The following RALGAPA1 variants were observed in gnomAD, a reference collection of about 807,000 sequenced individuals.
The protein encoded by RALGAPA1 is Ral GTPase activating protein catalytic subunit alpha 1.
A neutral mutation model predicts 269.6 loss-of-function variants in RALGAPA1; 52 were observed. The observed-to-expected ratio is 0.19, with a 90% CI of 0.15 to 0.24. RALGAPA1 has a LOEUF of 0.24. RALGAPA1 is among the 10% of genes least tolerant of loss of function. The pLI, the probability that RALGAPA1 is intolerant of heterozygous loss-of-function variation, is 1.00. For synonymous variants in RALGAPA1, 817 were observed against 1,008.3 expected (o/e 0.81, Z 3.60); for missense variants, 1,917 against 3,013.9 (o/e 0.64, Z 8.52).
At chr14:35,634,486 T>C in intron 33 of RALGAPA1, 88 bp downstream of exon 33, 1 of 1,038,452 alleles carries the variant, frequency 9.6e-7, no homozygotes, top group South Asian at 2.3e-5. Context: ...AGACATACTC[T>C]CCTTCTCCAA....
intron 10 of RALGAPA1, among the ~76,000 whole-genome samples, chr14:35,746,105 C>T (rs911957699): frequency 6.6e-6 from 1 of 152,060 alleles, no homozygotes; most frequent in Admixed American, 6.6e-5. Flanking sequence ...CCCACATTTG[C>T]AACAACATGG....
rs78933793 is a variant in RALGAPA1 at position 35,635,461 on chromosome 14, T to C, written c.5811+3A>G. The C allele has an allele frequency of 9.6e-4, 1,526 of 1,587,650 alleles. 13 individuals carry two copies. In the African/African-American group the frequency reaches 0.019, roughly 19 times the overall value. Reference sequence around the variant, plus strand: ...AAATAAATAATAAAGCAAGGAAGTTTACCTTATAAATGCAATTGAGAACAG... The same window carrying C: ...AAATAAATAATAAAGCAAGGAAGTTCACCTTATAAATGCAATTGAGAACAG... On this transcript the variant is annotated splice_donor_region_variant and intron_variant, in intron 32 of 41. Transcript: ENST00000680220.
At chr14:35,566,019 C>G (rs953740233) in intron 39 of RALGAPA1, among the ~76,000 whole-genome samples, 1 of 151,952 alleles carries the variant, frequency 6.6e-6, no homozygotes, top group Non-Finnish European at 1.5e-5. Flanking sequence ...GCTGAAATAC[C>G]TCTCTGGTCC....
chr14:35,684,724 C>T (rs8008061), intron 20 of RALGAPA1, among the ~76,000 whole-genome samples: 1 of 151,788 alleles, frequency 6.6e-6, no homozygotes, highest in Non-Finnish European at 1.5e-5. Context: ...GGAAGGCTGA[C>T]GCAGGAGGAC....
intron 39 of RALGAPA1, among the ~76,000 whole-genome samples, chr14:35,553,038 G>C (rs1280105123): frequency 6.6e-6 from 1 of 152,136 alleles, no homozygotes; most frequent in African/African-American, 2.4e-5. Flanking sequence ...TAATTTATCT[G>C]TATGTTAAAT....
intron 35 of RALGAPA1, among the ~76,000 whole-genome samples, chr14:35,620,685 T>C (rs527314312): frequency 7.9e-5 from 12 of 152,300 alleles, no homozygotes; most frequent in African/African-American, 2.6e-4. Flanking sequence ...AAAATCAATG[T>C]GCAAAAATCA....
intron 17 of RALGAPA1, among the ~76,000 whole-genome samples, chr14:35,697,324 AAC>A (rs763245103): frequency 1.3e-5 from 2 of 151,688 alleles, no homozygotes; most frequent in East Asian, 1.9e-4. Flanking sequence ...TTCAATTATA[AAC>A]AGTGTTTTTT....
intron 38 of RALGAPA1, among the ~76,000 whole-genome samples, chr14:35,571,637 G>A (rs1026188869): frequency 3.9e-5 from 6 of 152,084 alleles, no homozygotes; most frequent in Non-Finnish European, 7.4e-5. Context: ...TTGCGCCACC[G>A]CACTCCAGCC....
At chr14:35,552,165 C>G (rs952996277) in intron 39 of RALGAPA1, among the ~76,000 whole-genome samples, 1 of 151,112 alleles carries the variant, frequency 6.6e-6, no homozygotes, top group Non-Finnish European at 1.5e-5. Context: ...GGACTTACAT[C>G]CCCCCCCGGC....
intron 37 of RALGAPA1, among the ~76,000 whole-genome samples, chr14:35,594,380 G>A (rs1300388919): frequency 6.6e-6 from 1 of 152,120 alleles, no homozygotes; most frequent in African/African-American, 2.4e-5. Flanking sequence ...TCTATTAAGG[G>A]ATTAATATCT....
At chr14:35,605,151 C>A (rs1244729948) in intron 36 of RALGAPA1, among the ~76,000 whole-genome samples, 1 of 152,070 alleles carries the variant, frequency 6.6e-6, no homozygotes, top group Non-Finnish European at 1.5e-5. Context: ...TTTTCTTTTA[C>A]AAAGTAAATG....
intron 37 of RALGAPA1, among the ~76,000 whole-genome samples, chr14:35,588,176 G>A (rs958871675): frequency 6.6e-6 from 1 of 152,166 alleles, no homozygotes; most frequent in Non-Finnish European, 1.5e-5. Context: ...CGTTCCGCCC[G>A]CCTCAGCCTC....
chr14:35,541,879 G>C, intron 41 of RALGAPA1: 1 of 475,076 alleles, frequency 2.1e-6, no homozygotes, highest in East Asian at 6.9e-5. Context: ...ACAGATATGA[G>C]AGACACAGTG....
At chr14:35,562,721 C>T (rs1011862457) in intron 39 of RALGAPA1, among the ~76,000 whole-genome samples, 1 of 151,936 alleles carries the variant, frequency 6.6e-6, no homozygotes, top group African/African-American at 2.4e-5. Flanking sequence ...GGGGCTTTTC[C>T]ATTCTTAAAA....
intron 16 of RALGAPA1, among the ~76,000 whole-genome samples, chr14:35,703,376 G>T (rs1161046464): frequency 6.6e-6 from 1 of 152,104 alleles, no homozygotes; most frequent in Non-Finnish European, 1.5e-5. Flanking sequence ...TACTCCGATG[G>T]CTGGAGGTGA....
chr14:35,649,128 G>C (rs2062651446), intron 31 of RALGAPA1, among the ~76,000 whole-genome samples: 1 of 152,124 alleles, frequency 6.6e-6, no homozygotes, highest in South Asian at 2.1e-4. Context: ...CCTTGCTGGT[G>C]GTCTCCACCT....
intron 16 of RALGAPA1, chr14:35,707,259 T>A (rs2067890776): frequency 1.3e-5 from 2 of 152,210 alleles, no homozygotes; most frequent in Non-Finnish European, 2.9e-5. Flanking sequence ...ATTTTCCACA[T>A]AAATAATCAT....
At chr14:35,621,470 A>G (rs2060622443) in intron 35 of RALGAPA1, among the ~76,000 whole-genome samples, 1 of 152,218 alleles carries the variant, frequency 6.6e-6, no homozygotes, top group African/African-American at 2.4e-5. Flanking sequence ...CTTCATGACT[A>G]AAACACCAAA....
chr14:35,598,606 G>C (rs1386469499), intron 36 of RALGAPA1, among the ~76,000 whole-genome samples: 4 of 152,030 alleles, frequency 2.6e-5, no homozygotes, highest in African/African-American at 9.7e-5. Flanking sequence ...TTTTAGTAGA[G>C]AGGGGGTTTC....
Sources: gnomAD v4.1 joint callset for allele counts (sites outside exome capture counted in the v4.1 genomes callset) on GRCh38, gnomAD v4.1.1 for gene constraint, MANE v1.5 for transcripts, NCBI Gene and HGNC (gene_info 2026-07-23, HGNC 2026-07-21) for gene names.